SGCD: variants seen among roughly 807,000 people sequenced by gnomAD.
The protein encoded by SGCD is sarcoglycan delta, also known as delta-sarcoglycan.
SGCD carries 18 observed loss-of-function variants against 36.6 expected under a neutral mutation model. The ratio of observed to expected loss-of-function variants is 0.49; its 90% CI spans 0.34 to 0.73. The LOEUF (loss-of-function observed/expected upper bound fraction) is 0.73, where lower values mean the gene tolerates loss of function less well. Ranked by LOEUF, SGCD falls within the 30% of genes least tolerant of loss-of-function variation. The probability of loss-of-function intolerance (pLI) is 0.01; values close to 1 mark genes in which losing one functional copy is unlikely to be tolerated. For synonymous variants in SGCD, 133 were observed against 130.6 expected, an observed-to-expected ratio of 1.02 and a Z score of -0.12; for missense variants, 387 against 346.7, an observed-to-expected ratio of 1.12 and a Z score of -0.92.
At chr5:156,169,263 G>A (rs1283052775) in intron 3 of SGCD, among the ~76,000 whole-genome samples, 1 of 152,192 alleles carries the variant, frequency 6.6e-6, no homozygotes, top group East Asian at 1.9e-4. Flanking sequence ...ACAGTACTCA[G>A]GCCTCCTCTT....
intron 1 of SGCD, among the ~76,000 whole-genome samples, chr5:155,922,371 A>G (rs1756895941): frequency 6.6e-6 from 1 of 151,884 alleles, no homozygotes; most frequent in Non-Finnish European, 1.5e-5. Context: ...CTGAACCCCC[A>G]CCTCCCAGTT....
At chr5:156,075,967 T>G (rs1438568020) in intron 1 of SGCD, among the ~76,000 whole-genome samples, 1 of 152,160 alleles carries the variant, frequency 6.6e-6, no homozygotes, top group African/African-American at 2.4e-5. Flanking sequence ...AAACTAATCT[T>G]TTTTATTACT....
intron 3 of SGCD, among the ~76,000 whole-genome samples, chr5:156,251,743 T>G (rs531311099): frequency 6.6e-6 from 1 of 152,198 alleles, no homozygotes; most frequent in African/African-American, 2.4e-5. Context: ...CTCGATTTCT[T>G]GACCTCATGA....
intron 1 of SGCD, among the ~76,000 whole-genome samples, chr5:155,975,914 G>A (rs1301593506): frequency 6.6e-6 from 1 of 152,010 alleles, no homozygotes; most frequent in Admixed American, 6.6e-5. Flanking sequence ...ACAGGCGTGA[G>A]CCACTGCGCT....
chr5:156,172,903 T>C (rs1206299778), intron 3 of SGCD, among the ~76,000 whole-genome samples: 1 of 152,098 alleles, frequency 6.6e-6, no homozygotes, highest in Admixed American at 6.6e-5. Context: ...TAAGGAGACA[T>C]GACAGTAATA....
chr5:156,562,962 G>A (rs1759328236), intron 4 of SGCD, among the ~76,000 whole-genome samples: 1 of 151,706 alleles, frequency 6.6e-6, no homozygotes, highest in Admixed American at 6.6e-5. Flanking sequence ...CAAGTATATA[G>A]TGATGATAGA....
At chr5:156,286,130 T>A (rs1022398390) in intron 3 of SGCD, among the ~76,000 whole-genome samples, 1 of 152,140 alleles carries the variant, frequency 6.6e-6, no homozygotes, top group African/African-American at 2.4e-5. Context: ...TGAGATACCA[T>A]CTCACACCAG....
intron 3 of SGCD, among the ~76,000 whole-genome samples, chr5:156,164,406 C>G (rs1158585081): frequency 6.6e-6 from 1 of 152,034 alleles, no homozygotes; most frequent in Admixed American, 6.5e-5. Flanking sequence ...TTTCTTTTCT[C>G]TCTGCCTTTT....
intron 1 of SGCD, among the ~76,000 whole-genome samples, chr5:155,929,071 T>C (rs562167178): frequency 1.3e-5 from 2 of 152,338 alleles, no homozygotes; most frequent in Non-Finnish European, 2.9e-5. Context: ...CTTTTCCTTT[T>C]CTAATTCAAA....
the SGCD span, among the ~76,000 whole-genome samples, chr5:155,835,002 A>ATTTTTTTTTTTTTTTTTTTTTT: frequency 6.0e-4 from 36 of 60,176 alleles, 4 homozygotes; most frequent in East Asian, 4.6e-3. Flanking sequence ...TGCCCAGCTA[A>ATTTTTTTTTTTTTTTTTTTTTT]TTTTTTTTTT....
chr5:155,811,620 G>A, the SGCD span, among the ~76,000 whole-genome samples: 2,643 of 152,180 alleles, frequency 0.017, 86 homozygotes, highest in African/African-American at 0.059. Flanking sequence ...TAGTTATTGC[G>A]GGATCTGGCC....
At chr5:156,018,432 A>C (rs1759031944) in intron 1 of SGCD, among the ~76,000 whole-genome samples, 1 of 152,248 alleles carries the variant, frequency 6.6e-6, no homozygotes, top group African/African-American at 2.4e-5. Flanking sequence ...TATGATTAAC[A>C]AACATACACA....
rs79537892 is a variant in SGCD at position 156,280,479 on chromosome 5, G to A, written c.-43-49055G>A. ...CTTTTGAATATTTTATGTATCAGAA[G>A]ACCTCCTGATGGCATTTTTGTTTCC... On this transcript the variant is annotated intron_variant, in intron 3 of 9. Transcript: ENST00000517913. Among the ~76,000 whole-genome samples, 1,178 of 152,286 alleles carry A rather than the reference G, an allele frequency of 7.7e-3. 12 individuals carry two copies. The highest frequency in any genetic ancestry group is 0.011 in the Non-Finnish European group (726 of 68,022).
At position 156,594,845 on chromosome 5, in the gene SGCD, T is replaced by C. The variant is rs1054197455; in HGVS notation, c.383-87T>C. 8.1e-6 allele frequency: 7 copies of C among 869,214 alleles called. No homozygotes were observed. In the African/African-American group the frequency reaches 1.2e-4, roughly 15 times the overall value. 53.8% of individuals were successfully genotyped at this position (869,214 alleles called of 1,614,324 possible). ...TATGTGTGTTCTATGAAAAGCTTTT[T>C]GTAGTCAAAGCGATGAGACTAATGG... On this transcript the variant is annotated intron_variant, in intron 5 of 8. Transcript: ENST00000337851.
the SGCD span, among the ~76,000 whole-genome samples, chr5:155,786,537 T>A: frequency 6.6e-6 from 1 of 151,982 alleles, no homozygotes. Flanking sequence ...CAGATCAGGA[T>A]GAACAAAGGA....
intron 1 of SGCD, among the ~76,000 whole-genome samples, chr5:156,108,640 A>G (rs146159044): frequency 2.8e-4 from 43 of 152,288 alleles, no homozygotes; most frequent in Middle Eastern, 6.8e-3. Flanking sequence ...CTTTAAGAAT[A>G]GTTAAAGCAT....
chr5:156,040,129 C>T (rs368131991), intron 1 of SGCD, among the ~76,000 whole-genome samples: 15 of 152,246 alleles, frequency 9.9e-5, no homozygotes, highest in South Asian at 8.3e-4. Flanking sequence ...CAGAGGTAAG[C>T]GCTGTATAAA....
At chr5:156,390,430 C>G (rs965679380) in intron 3 of SGCD, among the ~76,000 whole-genome samples, 1 of 152,120 alleles carries the variant, frequency 6.6e-6, no homozygotes, top group South Asian at 2.1e-4. Context: ...TTGTTTTTAT[C>G]AAAAAGTTTA....
At chr5:156,124,326 A>T (rs1762116782) in intron 3 of SGCD, among the ~76,000 whole-genome samples, 1 of 152,176 alleles carries the variant, frequency 6.6e-6, no homozygotes, top group African/African-American at 2.4e-5. Context: ...GAAAAGAGAA[A>T]TGGGGGTAGA....
Sources: allele counts gnomAD v4.1 joint callset (sites outside exome capture counted in the v4.1 genomes callset), GRCh38; gene constraint gnomAD v4.1.1; transcripts MANE v1.5; gene names NCBI Gene and HGNC (gene_info 2026-07-23, HGNC 2026-07-21).